The following MYO10 variants were observed in gnomAD, a reference collection of about 807,000 sequenced individuals.
The protein encoded by MYO10 is unconventional myosin-X.
Under a neutral mutation model 257.3 loss-of-function variants are expected in MYO10, and 133 were observed. The ratio of observed to expected loss-of-function variants is 0.52; its 90% CI spans 0.45 to 0.60. MYO10 has a LOEUF of 0.60. Ranked by LOEUF, MYO10 falls within the 20% of genes least tolerant of loss-of-function variation. The pLI is 0.00. For synonymous variants in MYO10, 1,104 were observed against 1,028.6 expected, an observed-to-expected ratio of 1.07 and a Z score of -1.40; for missense variants, 2,399 against 2,635.7, an observed-to-expected ratio of 0.91 and a Z score of 1.97.
chr5:16,818,350 G>C lies in MYO10; in HGVS notation c.121-183C>G, dbSNP rs188662445. On this transcript the variant is annotated intron_variant, in intron 2 of 40. Transcript: ENST00000513610. ...GTCACCTATCTCTCTCTCTCTCTCT[G>C]TGTGTGTATGTATGTGTGTGTGTGT... Among the ~76,000 whole-genome samples the C allele has an allele frequency of 4.4e-3, 621 of 141,460 alleles. 5 individuals are homozygous for C. Among genetic ancestry groups the C allele is most frequent in the African/African-American group, 0.01 (382 of 37,122 alleles). The allele number at this position is 141,460 out of a possible 152,430, so 92.8% of individuals were successfully genotyped here. A position where few individuals can be genotyped will look rare whatever the true frequency, so the allele number is the denominator to read the frequency against.
chr5:16,907,735 T>C (rs1470691709), intron 1 of MYO10, among the ~76,000 whole-genome samples: 5 of 152,232 alleles, frequency 3.3e-5, no homozygotes, highest in Admixed American at 2.0e-4. Flanking sequence ...GGTTTTTAAA[T>C]GTAACTATCA....
chr5:16,783,284 C>T (rs1350714928), intron 5 of MYO10, 51 bp downstream of exon 5: 1 of 1,488,138 alleles, frequency 6.7e-7, no homozygotes, highest in African/African-American at 1.4e-5. Flanking sequence ...ATAAGCCATA[C>T]CATAAGGAAA....
At chr5:16,732,526 C>T (rs1011518388) in intron 19 of MYO10, among the ~76,000 whole-genome samples, 2 of 152,172 alleles carry the variant, frequency 1.3e-5, no homozygotes, top group Non-Finnish European at 2.9e-5. Flanking sequence ...TTTATTCAGA[C>T]GTGTTCTGAA....
At chr5:16,703,226 C>A in intron 22 of MYO10, 68 bp from the exon 23 acceptor site, 2 of 1,206,138 alleles carry the variant, frequency 1.7e-6, no homozygotes, top group South Asian at 2.9e-5. Flanking sequence ...CAAATGAGCT[C>A]ACATCAAGGC....
intron 9 of MYO10, among the ~76,000 whole-genome samples, chr5:16,777,876 G>A (rs1332537620): frequency 9.5e-6 from 1 of 105,148 alleles, no homozygotes; most frequent in Non-Finnish European, 1.7e-5. Context: ...TTGAGACGGA[G>A]TCTTGCACTG....
chr5:16,793,931 CA>C (rs34849998), intron 4 of MYO10, among the ~76,000 whole-genome samples: 141 of 131,780 alleles, frequency 1.1e-3, no homozygotes, highest in Admixed American at 1.2e-3. Context: ...AACTCCAACT[CA>C]AAAAAAAAAA....
rs537803900 is a variant in MYO10, at chr5:16,778,816, G to A, written c.930+729C>T. The stretch of plus-strand genomic sequence containing the variant: ...CGCCATTCTCCTGCCTCAGCCTCCC[G>A]AGTAGCTGGGACTATAGGCGCCCGC... On this transcript the variant is annotated intron_variant, in intron 9 of 40. Transcript: ENST00000513610. Among the ~76,000 whole-genome samples the A allele has an allele frequency of 9.0e-4, 134 of 148,760 alleles. 1 individual carries two copies. Among genetic ancestry groups the A allele is most frequent in the Admixed American group, 1.8e-3 (27 of 14,662 alleles).
intron 1 of MYO10, among the ~76,000 whole-genome samples, chr5:16,893,362 C>T (rs1745123502): frequency 6.6e-6 from 1 of 152,002 alleles, no homozygotes; most frequent in African/African-American, 2.4e-5. Context: ...TGCTGGGCAC[C>T]ATGGCTCACG....
chr5:16,720,441 A>T (rs961228651), intron 19 of MYO10, among the ~76,000 whole-genome samples: 5 of 151,386 alleles, frequency 3.3e-5, no homozygotes, highest in African/African-American at 9.7e-5. Flanking sequence ...ATTTTATTTT[A>T]TTTATTTTAT....
At chr5:16,742,262 A>T (rs1021169361) in intron 19 of MYO10, 1 of 984,680 alleles carries the variant, frequency 1.0e-6, no homozygotes, top group African/African-American at 1.7e-5. Flanking sequence ...ATTTATCCTG[A>T]TCTCTACAGA....
At chr5:16,883,096 T>G (rs1010883999) in intron 1 of MYO10, among the ~76,000 whole-genome samples, 1 of 151,894 alleles carries the variant, frequency 6.6e-6, no homozygotes, top group African/African-American at 2.4e-5. Flanking sequence ...TTTGTATTTT[T>G]AGTAGAGACG....
intron 2 of MYO10, among the ~76,000 whole-genome samples, chr5:16,850,542 C>G (rs547502903): frequency 3.3e-5 from 5 of 152,174 alleles, no homozygotes; most frequent in East Asian, 1.9e-4. Context: ...TCCCAAAGTG[C>G]TGGGATTACA....
intron 1 of MYO10, among the ~76,000 whole-genome samples, chr5:16,919,172 G>A (rs537969695): frequency 6.6e-6 from 1 of 152,208 alleles, no homozygotes; most frequent in South Asian, 2.1e-4. Context: ...GAGGTCAGGA[G>A]TTCAAGACCA....
At chr5:16,825,821 C>T (rs1742982958) in intron 2 of MYO10, among the ~76,000 whole-genome samples, 1 of 152,168 alleles carries the variant, frequency 6.6e-6, no homozygotes, top group Non-Finnish European at 1.5e-5. Flanking sequence ...TGCACTCCAG[C>T]CTGGACAAGA....
chr5:16,831,397 A>T (rs182178243), intron 2 of MYO10, among the ~76,000 whole-genome samples: 63 of 152,326 alleles, frequency 4.1e-4, no homozygotes, highest in African/African-American at 1.4e-3. Flanking sequence ...AGAAGTCATT[A>T]TACAAAAAAG....
chr5:16,770,397 T>C (rs2126658378), intron 9 of MYO10, among the ~76,000 whole-genome samples: 1 of 152,292 alleles, frequency 6.6e-6, no homozygotes, highest in South Asian at 2.1e-4. Context: ...GTTAACATAA[T>C]GCTGTTTGAG....
intron 19 of MYO10, among the ~76,000 whole-genome samples, chr5:16,726,178 A>G (rs944162494): frequency 2.6e-5 from 4 of 152,214 alleles, no homozygotes; most frequent in African/African-American, 9.7e-5. Flanking sequence ...GTTTACGTCC[A>G]AAGTGATACC....
chr5:16,866,955 C>T (rs540988948), intron 2 of MYO10, among the ~76,000 whole-genome samples: 1 of 152,194 alleles, frequency 6.6e-6, no homozygotes, highest in African/African-American at 2.4e-5. Context: ...GCCAGCTGCC[C>T]GACCTGGAGA....
At chr5:16,718,347 G>C (rs375983451) in intron 19 of MYO10, among the ~76,000 whole-genome samples, 1 of 152,176 alleles carries the variant, frequency 6.6e-6, no homozygotes. Flanking sequence ...AGCGCACGGC[G>C]CAGGACTGGC....
Sources: allele counts gnomAD v4.1 joint callset (sites outside exome capture counted in the v4.1 genomes callset), GRCh38; gene constraint gnomAD v4.1.1; transcripts MANE v1.5; gene names NCBI Gene and HGNC (gene_info 2026-07-23, HGNC 2026-07-21).